RABGAP1: variants seen among roughly 807,000 people sequenced by gnomAD.
RABGAP1 encodes RAB GTPase activating protein 1, also known as rab GTPase-activating protein 1.
A neutral mutation model predicts 137.6 loss-of-function variants in RABGAP1; 23 were observed. The observed-to-expected ratio is 0.17, with a 90% CI of 0.12 to 0.24. RABGAP1 has a LOEUF of 0.24. Ranked by LOEUF, RABGAP1 falls within the 10% of genes least tolerant of loss-of-function variation. The probability of loss-of-function intolerance (pLI) is 1.00; values close to 1 mark genes in which losing one functional copy is unlikely to be tolerated. For missense variants in RABGAP1, 906 were observed against 1,275.8 expected (o/e 0.71, Z 4.42); for synonymous variants, 451 against 450.7 (o/e 1.00, Z -0.01).
intron 25 of RABGAP1, among the ~76,000 whole-genome samples, chr9:123,102,458 T>C (rs980139444): frequency 5.3e-5 from 8 of 152,196 alleles, no homozygotes; most frequent in South Asian, 2.1e-4. Context: ...GGCCCTGTTA[T>C]AGGTCTGGGA....
At chr9:123,072,043 A>T (rs1255961951) in intron 15 of RABGAP1, among the ~76,000 whole-genome samples, 3 of 151,548 alleles carry the variant, frequency 2.0e-5, no homozygotes, top group African/African-American at 7.3e-5. Flanking sequence ...TTGCAATACA[A>T]GTTTGAGTAT....
intron 6 of RABGAP1, among the ~76,000 whole-genome samples, chr9:122,993,953 C>T (rs958247656): frequency 3.9e-5 from 6 of 152,140 alleles, no homozygotes; most frequent in Admixed American, 6.5e-5. Context: ...CATGAGCCAC[C>T]GTGCCCGACC....
At chr9:123,081,639 C>T (rs1453551885) in intron 19 of RABGAP1, among the ~76,000 whole-genome samples, 1 of 151,936 alleles carries the variant, frequency 6.6e-6, no homozygotes, top group African/African-American at 2.4e-5. Flanking sequence ...GACAAGGTCT[C>T]TTTGTGTTGC....
chr9:122,945,147 C>CT lies in RABGAP1; in HGVS notation c.-50+4070dup, dbSNP rs202090815. On this transcript the variant is annotated intron_variant, in intron 1 of 25. Coordinates refer to ENST00000373647, the MANE Select transcript of RABGAP1 (RefSeq NM_012197.4). ...CACCATGTATACATCATAGCTGTTG[C>CT]TTTTTTTTTTTTTTTTAGCATAAAC... 5.1e-4 allele frequency among the ~76,000 whole-genome samples: 39 copies of CT among 75,826 alleles called. 8 individuals are homozygous for CT. The highest frequency in any genetic ancestry group is 1.7e-3 in the Admixed American group (11 of 6,336). 49.7% of individuals were successfully genotyped at this position (75,826 alleles called of 152,430 possible). A position where few individuals can be genotyped will look rare whatever the true frequency, so the allele number is the denominator to read the frequency against.
intron 1 of RABGAP1, among the ~76,000 whole-genome samples, chr9:122,955,511 A>G (rs1834465933): frequency 6.6e-6 from 1 of 152,236 alleles, no homozygotes; most frequent in African/African-American, 2.4e-5. Flanking sequence ...CAGGGGAATT[A>G]GTTTAAATAA....
intron 15 of RABGAP1, among the ~76,000 whole-genome samples, chr9:123,072,341 C>G (rs1369960833): frequency 1.3e-5 from 2 of 152,150 alleles, no homozygotes; most frequent in Non-Finnish European, 2.9e-5. Context: ...TATGATAAAG[C>G]TATGACATGA....
intron 13 of RABGAP1, among the ~76,000 whole-genome samples, chr9:123,036,813 G>C (rs1437544858): frequency 1.3e-5 from 2 of 151,330 alleles, no homozygotes; most frequent in South Asian, 2.1e-4. Flanking sequence ...AGTTCTTAAT[G>C]GTCTTTTTTT....
At chr9:122,985,560 C>T (rs910082587) in intron 3 of RABGAP1, among the ~76,000 whole-genome samples, 3 of 148,418 alleles carry the variant, frequency 2.0e-5, no homozygotes, top group Non-Finnish European at 4.4e-5. Context: ...TTGCAGTGAG[C>T]CGAGATTGTT....
intron 19 of RABGAP1, 57 bp downstream of exon 19, chr9:123,076,819 C>G: frequency 4.6e-6 from 6 of 1,297,216 alleles, no homozygotes; most frequent in Middle Eastern, 2.0e-4. Flanking sequence ...CTCACTATTC[C>G]TGATCATTTA....
chr9:122,982,968 C>T (rs1836161667), intron 2 of RABGAP1, among the ~76,000 whole-genome samples: 2 of 151,990 alleles, frequency 1.3e-5, no homozygotes, highest in South Asian at 2.1e-4. Context: ...TTCTGGGCTC[C>T]AGCGATCCTC....
At chr9:122,985,801 G>A (rs990911994) in intron 3 of RABGAP1, among the ~76,000 whole-genome samples, 8 of 152,156 alleles carry the variant, frequency 5.3e-5, no homozygotes, top group African/African-American at 1.9e-4. Flanking sequence ...TCCTTTGTCT[G>A]AAATGCTTGG....
chr9:123,078,627 G>T (rs758450723), intron 19 of RABGAP1, among the ~76,000 whole-genome samples: 2 of 152,164 alleles, frequency 1.3e-5, no homozygotes, highest in African/African-American at 2.4e-5. Context: ...GCCTGGTTCA[G>T]CACACAAGAG....
intron 14 of RABGAP1, among the ~76,000 whole-genome samples, chr9:123,067,026 A>G (rs764232434): frequency 2.6e-5 from 4 of 152,160 alleles, no homozygotes; most frequent in Admixed American, 6.5e-5. Context: ...TTAATACTAC[A>G]TCTCTAAAAA....
chr9:123,054,149 G>C (rs1047089920), intron 13 of RABGAP1, among the ~76,000 whole-genome samples: 4 of 152,158 alleles, frequency 2.6e-5, no homozygotes, highest in African/African-American at 9.7e-5. Flanking sequence ...ATTTAAAAAA[G>C]TAATAGAGCT....
chr9:123,069,633 T>G (rs2034289162), intron 14 of RABGAP1, among the ~76,000 whole-genome samples: 1 of 150,316 alleles, frequency 6.7e-6, no homozygotes, highest in African/African-American at 2.5e-5. Flanking sequence ...GTAATCCCAG[T>G]ACTTTGGGAG....
At chr9:123,076,128 A>G in intron 17 of RABGAP1, 117 bp from the exon 18 acceptor site, 2 of 1,055,200 alleles carry the variant, frequency 1.9e-6, no homozygotes, top group Non-Finnish European at 2.8e-6. Context: ...TTCTGAGATA[A>G]TGCATTTCCT....
intron 13 of RABGAP1, among the ~76,000 whole-genome samples, chr9:123,025,921 A>G (rs1327491360): frequency 1.3e-5 from 2 of 151,726 alleles, no homozygotes; most frequent in African/African-American, 4.8e-5. Flanking sequence ...ATGTTAAATG[A>G]TGATGGTGAT....
At chr9:123,047,936 T>TG (rs2033286381) in intron 13 of RABGAP1, among the ~76,000 whole-genome samples, 3 of 80,864 alleles carry the variant, frequency 3.7e-5, no homozygotes, top group Non-Finnish European at 6.4e-5. Flanking sequence ...TTTTTTTTTT[T>TG]TTTTTTTTTT....
At chr9:123,015,312 A>G (rs1197672828) in intron 11 of RABGAP1, among the ~76,000 whole-genome samples, 1 of 129,368 alleles carries the variant, frequency 7.7e-6, no homozygotes, top group Non-Finnish European at 1.6e-5. Context: ...TTTTTTTGCA[A>G]TTGACATAAT....
Sources: gnomAD v4.1 joint callset for allele counts (sites outside exome capture counted in the v4.1 genomes callset) on GRCh38, gnomAD v4.1.1 for gene constraint, MANE v1.5 for transcripts, NCBI Gene and HGNC (gene_info 2026-07-23, HGNC 2026-07-21) for gene names.